USP12: variants seen among roughly 807,000 people sequenced by gnomAD.
USP12 encodes ubiquitin specific peptidase 12.
In USP12, 19 loss-of-function variants were observed where a neutral mutation model predicts 45.5. The ratio of observed to expected loss-of-function variants is 0.42; its 90% CI spans 0.29 to 0.61. USP12 has a LOEUF of 0.61. Among genes scored for constraint, USP12 ranks in the 20% least tolerant of loss-of-function variants. USP12 has a pLI of 0.22. For synonymous variants in USP12, 149 were observed against 148.8 expected, an observed-to-expected ratio of 1.00 and a Z score of -0.01; for missense variants, 242 against 447.7, an observed-to-expected ratio of 0.54 and a Z score of 4.15.
chr13:27,158,749 T>C (rs1877958616), intron 1 of USP12, among the ~76,000 whole-genome samples: 1 of 152,104 alleles, frequency 6.6e-6, no homozygotes, highest in African/African-American at 2.4e-5. Flanking sequence ...ACTAATAAAA[T>C]TATTGTTTAA....
intron 6 of USP12, among the ~76,000 whole-genome samples, chr13:27,084,498 A>G (rs1019240870): frequency 1.8e-4 from 7 of 39,658 alleles, no homozygotes; most frequent in South Asian, 1.5e-3. Flanking sequence ...CAGTGAGATG[A>G]AAAAAAAAAA....
chr13:27,154,137 A>T (rs753724638), intron 1 of USP12, among the ~76,000 whole-genome samples: 4 of 152,248 alleles, frequency 2.6e-5, no homozygotes, highest in Non-Finnish European at 5.9e-5. Flanking sequence ...CTTAGGAAGC[A>T]CACAGCCTGA....
intron 2 of USP12, among the ~76,000 whole-genome samples, chr13:27,111,616 AC>A (rs1875450180): frequency 6.6e-6 from 1 of 152,140 alleles, no homozygotes; most frequent in African/African-American, 2.4e-5. Context: ...CAAACATCCC[AC>A]CGCAAGTATT....
intron 2 of USP12, among the ~76,000 whole-genome samples, chr13:27,114,251 T>C (rs1011397778): frequency 1.2e-4 from 19 of 152,170 alleles, no homozygotes; most frequent in African/African-American, 4.3e-4. Context: ...CAGACTATAT[T>C]ACAAGTAAGA....
intron 1 of USP12, among the ~76,000 whole-genome samples, chr13:27,154,655 G>A (rs917231413): frequency 1.3e-5 from 2 of 151,914 alleles, no homozygotes; most frequent in African/African-American, 2.4e-5. Flanking sequence ...AAAAAAAAAC[G>A]TGGACGCATT....
At chr13:27,097,116 C>T (rs937620192) in intron 3 of USP12, among the ~76,000 whole-genome samples, 7 of 148,636 alleles carry the variant, frequency 4.7e-5, no homozygotes, top group African/African-American at 1.7e-4. Context: ...AAGAAAAAAA[C>T]AATCAAAAGG....
intron 1 of USP12, chr13:27,117,676 A>G (rs1875807605): frequency 1.9e-6 from 1 of 513,422 alleles, no homozygotes; most frequent in Non-Finnish European, 3.9e-6. Flanking sequence ...TAAATATACT[A>G]TATACCTGAG....
chr13:27,141,453 A>G lies in USP12; in HGVS notation c.49-24857T>C, dbSNP rs1877053694. On this transcript the variant is annotated intron_variant, in intron 1 of 8. Transcript: ENST00000282344. Reference sequence around the variant, plus strand: ...TAAATACCATTCTCCACTAAAAGAAATCAAGACACTTTAGAATGTAAGGCT... The same window carrying G: ...TAAATACCATTCTCCACTAAAAGAAGTCAAGACACTTTAGAATGTAAGGCT... 4.6e-5 allele frequency among the ~76,000 whole-genome samples: 7 copies of G among 152,238 alleles called. 1 individual carries two copies. In the South Asian group the frequency reaches 1.4e-3, roughly 31 times the overall value.
At chr13:27,153,588 T>C (rs1052236680) in intron 1 of USP12, among the ~76,000 whole-genome samples, 13 of 152,240 alleles carry the variant, frequency 8.5e-5, no homozygotes, top group African/African-American at 3.1e-4. Context: ...ATCCTTTTAG[T>C]ACTTGAGAAT....
chr13:27,086,188 AAAAAAAAAAATATAT>A (rs1565984548), intron 6 of USP12, among the ~76,000 whole-genome samples: 2 of 101,218 alleles, frequency 2.0e-5, no homozygotes, highest in Non-Finnish European at 3.9e-5. Context: ...AAAAAAAAAA[AAAAAAAAAAATATAT>A]ATATATATAT....
In USP12 at chr13:27,171,798, G is replaced by A. The variant is rs1293841747; in HGVS notation, c.-159C>T. The A allele has an allele frequency of 1.3e-4, 29 of 219,104 alleles. No homozygotes were observed. Among genetic ancestry groups the A allele is most frequent in the Non-Finnish European group, 1.9e-4 (25 of 131,242 alleles). The allele number at this position is 219,104 out of a possible 1,614,324, so 13.6% of individuals were successfully genotyped here. A position where few individuals can be genotyped will look rare whatever the true frequency, so the allele number is the denominator to read the frequency against. On this transcript the variant is annotated 5_prime_UTR_variant, in exon 1 of 9. Transcript: ENST00000282344. ...GGCCGCCGCTGCCGTCGTCGCCGCC[G>A]GCGCTCAGGCACTCCCGGCCTCGGG... is the stretch of plus-strand genomic sequence containing the variant.
rs906217757 is a variant in USP12 at position 27,075,176 on chromosome 13, C to T, written c.932+15G>A. On this transcript the variant is annotated intron_variant, in intron 7 of 8. Transcript: ENST00000282344. ...CCTAGGAATTCCACTACTATGTCCCCGGAGTTGCAATTACCTTCCACAGTG... is the reference window on the plus strand; with the variant it reads ...CCTAGGAATTCCACTACTATGTCCCTGGAGTTGCAATTACCTTCCACAGTG... 1.2e-5 allele frequency: 19 copies of T among 1,613,416 alleles called. No individual in the cohort carries two copies. Among genetic ancestry groups the T allele is most frequent in the African/African-American group, 9.3e-5 (7 of 74,892 alleles).
At chr13:27,072,606 T>C (rs746972988) in intron 7 of USP12, among the ~76,000 whole-genome samples, 8 of 152,064 alleles carry the variant, frequency 5.3e-5, no homozygotes, top group Non-Finnish European at 2.9e-5. Flanking sequence ...TTCAGTACAA[T>C]AGATAACTAC....
At chr13:27,130,041 T>C (rs1876420722) in intron 1 of USP12, among the ~76,000 whole-genome samples, 1 of 152,178 alleles carries the variant, frequency 6.6e-6, no homozygotes, top group Non-Finnish European at 1.5e-5. Context: ...CAGTAGTTGA[T>C]GAAGGGAGAA....
chr13:27,098,669 C>A (rs1404122317), intron 3 of USP12, among the ~76,000 whole-genome samples: 1 of 152,120 alleles, frequency 6.6e-6, no homozygotes, highest in Non-Finnish European at 1.5e-5. Flanking sequence ...AATAATGCAA[C>A]CTAGTTCTCC....
At chr13:27,142,625 AT>A (rs1877116124) in intron 1 of USP12, among the ~76,000 whole-genome samples, 1 of 152,192 alleles carries the variant, frequency 6.6e-6, no homozygotes, top group Admixed American at 6.5e-5. Context: ...TTCTTGCATT[AT>A]TCTTGCAATT....
intron 1 of USP12, among the ~76,000 whole-genome samples, chr13:27,166,233 T>C (rs926165209): frequency 1.3e-5 from 2 of 152,164 alleles, no homozygotes; most frequent in African/African-American, 4.8e-5. Context: ...CCATATTAAG[T>C]TTCTGGAATA....
At chr13:27,114,833 T>A (rs1407691716) in intron 2 of USP12, among the ~76,000 whole-genome samples, 4 of 151,920 alleles carry the variant, frequency 2.6e-5, no homozygotes, top group African/African-American at 7.3e-5. Flanking sequence ...ATAAATTTTT[T>A]AAAAATTAGA....
chr13:27,106,431 A>G (rs537699422), intron 2 of USP12, among the ~76,000 whole-genome samples: 2 of 152,248 alleles, frequency 1.3e-5, no homozygotes, highest in South Asian at 4.1e-4. Context: ...AAATAAACCT[A>G]CTTTATAAAG....
Sources: allele counts gnomAD v4.1 joint callset (sites outside exome capture counted in the v4.1 genomes callset), GRCh38; gene constraint gnomAD v4.1.1; transcripts MANE v1.5; gene names NCBI Gene and HGNC (gene_info 2026-07-23, HGNC 2026-07-21).